Variants in ZBTB8B observed in about 807,000 individuals in gnomAD.
The protein encoded by ZBTB8B is zinc finger and BTB domain containing 8B.
In ZBTB8B, 17 loss-of-function variants were observed where a neutral mutation model predicts 30.3. That is an observed-to-expected ratio of 0.56 (90% CI 0.38 to 0.84). The LOEUF (loss-of-function observed/expected upper bound fraction) is 0.84, where lower values mean the gene tolerates loss of function less well. Ranked by LOEUF, ZBTB8B falls within the 40% of genes least tolerant of loss-of-function variation. The pLI is 0.00. For missense variants in ZBTB8B, 515 were observed against 644.9 expected, an observed-to-expected ratio of 0.80 and a Z score of 2.18; for synonymous variants, 248 against 255.6, an observed-to-expected ratio of 0.97 and a Z score of 0.28.
chr1:32,475,647 G>A (rs1436340323), intron 2 of ZBTB8B, among the ~76,000 whole-genome samples: 1 of 152,010 alleles, frequency 6.6e-6, no homozygotes, highest in Non-Finnish European at 1.5e-5. Context: ...AGGTACTAGG[G>A]TTGAAAGACA....
At chr1:32,473,383 A>G (rs1280337265) in intron 2 of ZBTB8B, among the ~76,000 whole-genome samples, 1 of 152,168 alleles carries the variant, frequency 6.6e-6, no homozygotes, top group African/African-American at 2.4e-5. Flanking sequence ...CATGAATTGC[A>G]GTCTAGTAGT....
chr1:32,493,311 T>G lies in ZBTB8B; in HGVS notation c.*7893T>G, dbSNP rs1223310810. The G allele has an allele frequency of 6.6e-6, 1 of 151,972 alleles. No homozygotes were observed. The highest frequency in any genetic ancestry group is 2.4e-5 in the African/African-American group (1 of 41,404). 9.4% of individuals were successfully genotyped at this position (151,972 alleles called of 1,614,324 possible). A position where few individuals can be genotyped will look rare whatever the true frequency, so the allele number is the denominator to read the frequency against. ...GCGTGTGCCACCACGCCCAGCTAAT[T>G]TTTTGTATTTTATAAGAGATGGCGT... On this transcript the variant is annotated 3_prime_UTR_variant, in exon 4 of 4. Transcript: ENST00000609129.
chr1:32,471,378 C>T lies in ZBTB8B; in HGVS notation c.754C>T (p.Pro252Ser). Reference sequence around the variant, plus strand: ...TGAACAGCTGCAGCAGTATGCTGCCCCGCTGAACCTGGCCCACGTGGAGGA... The same window carrying T: ...TGAACAGCTGCAGCAGTATGCTGCCTCGCTGAACCTGGCCCACGTGGAGGA... ...VGEQLQQYAA[P>S]LNLAHVEEAL... The change falls in exon 2 of 4, where the codon CCG becomes TCG. Residue 252 changes from proline (P) to serine (S), a missense_variant. By Grantham distance (74) the Pro-to-Ser change is moderately conservative (BLOSUM62 -1). Coordinates refer to ENST00000609129, the MANE Select transcript of ZBTB8B (RefSeq NM_001145720.2). 6.4e-7 allele frequency: 1 copy of T among 1,551,798 alleles called. No individual in the cohort carries two copies. The highest frequency in any genetic ancestry group is 1.7e-4 in the Middle Eastern group (1 of 5,992).
chr1:32,491,881 A>T lies in ZBTB8B; in HGVS notation c.*6463A>T, dbSNP rs1643782092. ...GAAAGTTAACAAAGGTAAAATTCTC[A>T]TGCAGAAGGGAAAGAGGCTTTGTTA... On this transcript the variant is annotated 3_prime_UTR_variant, in exon 4 of 4. Coordinates refer to ENST00000609129, the MANE Select transcript of ZBTB8B (RefSeq NM_001145720.2). 3 of 152,252 alleles carry T rather than the reference A, an allele frequency of 2.0e-5. No homozygotes were observed. 9.4% of individuals were successfully genotyped at this position (152,252 alleles called of 1,614,324 possible).
chr1:32,478,761 T>C (rs531981618), intron 2 of ZBTB8B, among the ~76,000 whole-genome samples: 1 of 152,278 alleles, frequency 6.6e-6, no homozygotes, highest in South Asian at 2.1e-4. Flanking sequence ...ACATTCAGTT[T>C]AGTGTGCCAT....
chr1:32,468,775 C>T (rs372114904), intron 1 of ZBTB8B, among the ~76,000 whole-genome samples: 1 of 151,390 alleles, frequency 6.6e-6, no homozygotes, highest in African/African-American at 2.4e-5. Flanking sequence ...GCAGGAGAAT[C>T]GCTTGAATAT....
intron 1 of ZBTB8B, among the ~76,000 whole-genome samples, chr1:32,466,585 A>G (rs1435413474): frequency 1.3e-5 from 2 of 152,192 alleles, no homozygotes; most frequent in Non-Finnish European, 2.9e-5. Context: ...CACAATATAT[A>G]CCAAGTACAG....
At chr1:32,467,565 T>C (rs1643581080) in intron 1 of ZBTB8B, among the ~76,000 whole-genome samples, 1 of 152,154 alleles carries the variant, frequency 6.6e-6, no homozygotes. Flanking sequence ...CAAGTGGATT[T>C]TAAACTTGGT....
intron 1 of ZBTB8B, among the ~76,000 whole-genome samples, chr1:32,468,285 C>T (rs1315838940): frequency 2.0e-5 from 3 of 152,132 alleles, no homozygotes; most frequent in African/African-American, 7.2e-5. Context: ...GGCTGACTTC[C>T]CTGGTGGTAT....
Position 32,471,028 on chromosome 1 carries a change from C to G in ZBTB8B, c.404C>G (p.Ala135Gly). Residue 135 changes from alanine (A) to glycine (G), a missense_variant, in exon 2 of 4, where the codon GCT (alanine) becomes GGT (glycine). Coordinates refer to ENST00000609129, the MANE Select transcript of ZBTB8B (RefSeq NM_001145720.2). ...CRKMEKEAAV[A>G]AAVAAAAAAA... is the part of the protein sequence containing the mutation. Reference sequence around the variant, plus strand: ...AAGATGGAGAAGGAGGCTGCTGTGGCTGCAGCAGTGGCGGCGGCAGCGGCG... The same window carrying G: ...AAGATGGAGAAGGAGGCTGCTGTGGGTGCAGCAGTGGCGGCGGCAGCGGCG... The G allele has an allele frequency of 6.4e-7, 1 of 1,551,614 alleles. No individual in the cohort carries two copies.
intron 2 of ZBTB8B, among the ~76,000 whole-genome samples, chr1:32,472,060 CCAT>C (rs2148181507): frequency 6.6e-6 from 1 of 152,106 alleles, no homozygotes; most frequent in East Asian, 1.9e-4. Flanking sequence ...ATCACCAGTA[CCAT>C]CATCATCACT....
At chr1:32,483,807 A>G (rs1643724958) in intron 3 of ZBTB8B, among the ~76,000 whole-genome samples, 1 of 152,012 alleles carries the variant, frequency 6.6e-6, no homozygotes, top group Non-Finnish European at 1.5e-5. Flanking sequence ...GCACACACCT[A>G]TATTCCCAGC....
chr1:32,481,127 T>A, intron 3 of ZBTB8B, 58 bp downstream of exon 3: 1 of 1,442,254 alleles, frequency 6.9e-7, no homozygotes, highest in Non-Finnish European at 9.3e-7. Flanking sequence ...TATCATCTAA[T>A]GGAAGGGTGA....
rs1230225111 is a variant in ZBTB8B, at chr1:32,488,908, T to C, written c.*3490T>C. 6.6e-6 allele frequency: 1 copy of C among 152,268 alleles called. No individual in the cohort carries two copies. Among genetic ancestry groups the C allele is most frequent in the East Asian group, 1.9e-4 (1 of 5,204 alleles). The allele number at this position is 152,268 out of a possible 1,614,324, so 9.4% of individuals were successfully genotyped here. ...ACCTCCCAGGTTCAAGAGATTCTTC[T>C]GTCTCAGCCTCTTGAGTAGTTGGGA... On this transcript the variant is annotated 3_prime_UTR_variant, in exon 4 of 4. Transcript: ENST00000609129.
At chr1:32,469,989 G>A (rs1461356343) in intron 1 of ZBTB8B, among the ~76,000 whole-genome samples, 1 of 151,984 alleles carries the variant, frequency 6.6e-6, no homozygotes, top group African/African-American at 2.4e-5. Context: ...GGGTTCAAGC[G>A]ATTCTCCCAC....
At chr1:32,474,948 GA>G (rs1260558231) in intron 2 of ZBTB8B, among the ~76,000 whole-genome samples, 1 of 152,224 alleles carries the variant, frequency 6.6e-6, no homozygotes, top group Non-Finnish European at 1.5e-5. Flanking sequence ...GTAAGCACAA[GA>G]AGTATCAGGA....
chr1:32,467,513 C>T (rs1643580746), intron 1 of ZBTB8B, among the ~76,000 whole-genome samples: 1 of 152,144 alleles, frequency 6.6e-6, no homozygotes, highest in African/African-American at 2.4e-5. Flanking sequence ...CTTGGCCTCC[C>T]AAAGTGCTGG....
intron 1 of ZBTB8B, among the ~76,000 whole-genome samples, chr1:32,469,071 C>T (rs1643596001): frequency 6.6e-6 from 1 of 151,638 alleles, no homozygotes; most frequent in African/African-American, 2.4e-5. Flanking sequence ...GTGGTATGCA[C>T]CTGTAGTCCT....
rs1481554208 is a variant in ZBTB8B, at chr1:32,470,927, T to C, written c.303T>C (p.Ala101=). Residue 101 remains alanine, a synonymous_variant, in exon 2 of 4, where the codon GCT becomes GCC. Transcript: ENST00000609129. ...CGENVIEVMS[A]ASYLQMNDVV... is the part of the protein sequence containing the mutation. ...AGAATGTGATTGAAGTGATGTCGGC[T>C]GCCAGCTACCTGCAGATGAATGACG... 6.4e-7 allele frequency: 1 copy of C among 1,552,140 alleles called. No homozygotes were observed. Among genetic ancestry groups the C allele is most frequent in the Non-Finnish European group, 8.7e-7 (1 of 1,147,134 alleles).
Sources: gnomAD v4.1 joint callset for allele counts (sites outside exome capture counted in the v4.1 genomes callset) on GRCh38, gnomAD v4.1.1 for gene constraint, MANE v1.5 for transcripts, NCBI Gene and HGNC (gene_info 2026-07-23, HGNC 2026-07-21) for gene names.